The following POLR3B variants were observed in gnomAD, a reference collection of about 807,000 sequenced individuals.
POLR3B encodes RNA polymerase III subunit B.
In POLR3B, 96 loss-of-function variants were observed where a neutral mutation model predicts 147.4. The ratio of observed to expected loss-of-function variants is 0.65; its 90% CI spans 0.55 to 0.77. POLR3B has a LOEUF of 0.77. Among genes scored for constraint, POLR3B ranks in the 30% least tolerant of loss-of-function variants. POLR3B has a pLI of 0.00. For synonymous variants in POLR3B, 461 were observed against 485.9 expected (o/e 0.95, Z 0.67); for missense variants, 1,036 against 1,413.5 (o/e 0.73, Z 4.28).
intron 23 of POLR3B, among the ~76,000 whole-genome samples, chr12:106,487,181 G>C (rs894052885): frequency 6.6e-6 from 1 of 152,180 alleles, no homozygotes; most frequent in African/African-American, 2.4e-5. Context: ...ATTTGTAGTT[G>C]TCATGAAATG....
At chr12:106,445,689 C>T (rs763248295) in intron 19 of POLR3B, among the ~76,000 whole-genome samples, 22 of 151,990 alleles carry the variant, frequency 1.4e-4, no homozygotes, top group Non-Finnish European at 3.1e-4. Context: ...TTCATATATG[C>T]CCATGACACC....
Position 106,433,871 on chromosome 12 carries a change from A to G in POLR3B, c.1780A>G (p.Arg594Gly). The G allele has an allele frequency of 1.2e-6, 2 of 1,612,156 alleles. No individual in the cohort carries two copies. The highest frequency in any genetic ancestry group is 1.7e-6 in the Non-Finnish European group (2 of 1,178,398). The change falls in exon 16 of 28, where the codon AGA (arginine) becomes GGA (glycine). Residue 594 changes from arginine to glycine, a missense_variant and splice_region_variant. Physicochemically the swap from Arg to Gly is moderately radical, Grantham distance 125. Coordinates refer to ENST00000228347, the MANE Select transcript of POLR3B (RefSeq NM_018082.6). The stretch of plus-strand genomic sequence containing the variant: ...TTCTTCTGATGGGGGAAGGCTATGC[A>G]GGTATATATGCAGGTTACTAAAAAG... Reference protein sequence around the residue: ...YISSDGGRLCRPYIIVKKQKP... With the variant: ...YISSDGGRLCGPYIIVKKQKP...
At chr12:106,358,542 C>T (rs1439052335) in intron 1 of POLR3B, among the ~76,000 whole-genome samples, 5 of 152,176 alleles carry the variant, frequency 3.3e-5, no homozygotes, top group Admixed American at 1.3e-4. Context: ...CAGCGAGCTG[C>T]CCAGTGAAGT....
chr12:106,384,485 CAG>C (rs1205716218), intron 9 of POLR3B, among the ~76,000 whole-genome samples: 1 of 152,170 alleles, frequency 6.6e-6, no homozygotes, highest in African/African-American at 2.4e-5. Context: ...TGCACTGACA[CAG>C]AGTGGTAAAA....
At chr12:106,384,859 G>A (rs958421790) in intron 9 of POLR3B, among the ~76,000 whole-genome samples, 1 of 147,096 alleles carries the variant, frequency 6.8e-6, no homozygotes, top group Non-Finnish European at 1.5e-5. Flanking sequence ...ATGGCGTTTC[G>A]CTCTTTCACC....
intron 9 of POLR3B, among the ~76,000 whole-genome samples, chr12:106,389,940 C>A (rs948094133): frequency 2.6e-5 from 4 of 152,152 alleles, no homozygotes; most frequent in Non-Finnish European, 5.9e-5. Flanking sequence ...TGGCTTTGGC[C>A]AGGCGTGGTG....
intron 23 of POLR3B, among the ~76,000 whole-genome samples, chr12:106,476,960 C>T (rs1186423905): frequency 9.2e-5 from 14 of 151,390 alleles, no homozygotes; most frequent in African/African-American, 7.3e-5. Flanking sequence ...TGTAGAGTTT[C>T]CAGTTTTTCT....
intron 11 of POLR3B, 92 bp from the exon 12 acceptor site, chr12:106,410,734 A>T: frequency 9.9e-7 from 1 of 1,009,182 alleles, no homozygotes; most frequent in Non-Finnish European, 1.5e-6. Context: ...GTATTTTCTT[A>T]GTTGAATGTT....
chr12:106,486,090 C>T (rs975310389), intron 23 of POLR3B, among the ~76,000 whole-genome samples: 1 of 151,780 alleles, frequency 6.6e-6, no homozygotes, highest in Non-Finnish European at 1.5e-5. Flanking sequence ...GAGATCGAGA[C>T]CGTCCTGGCT....
intron 22 of POLR3B, among the ~76,000 whole-genome samples, chr12:106,462,296 G>A (rs2037949604): frequency 6.6e-6 from 1 of 152,130 alleles, no homozygotes; most frequent in East Asian, 1.9e-4. Context: ...TGCCCAGGCT[G>A]GAGTGCAGTG....
rs984215371 is a variant in POLR3B, at chr12:106,430,158, G to A, written c.1264-115G>A. ...ACTTTGATTTCTGAATATATGTCAT[G>A]GTTCTAATTTCGTAAGCATGAAGCT... On this transcript the variant is annotated intron_variant, in intron 13 of 27. Coordinates refer to ENST00000228347, the MANE Select transcript of POLR3B (RefSeq NM_018082.6). 32 of 797,086 alleles carry A rather than the reference G, an allele frequency of 4.0e-5. No individual in the cohort carries two copies. The African/African-American group carries it at 4.6e-4, about 11-fold the overall frequency. 49.4% of individuals were successfully genotyped at this position (797,086 alleles called of 1,614,324 possible). A position where few individuals can be genotyped will look rare whatever the true frequency, so the allele number is the denominator to read the frequency against.
At chr12:106,427,090 G>T (rs2037449633) in intron 12 of POLR3B, 107 bp from the exon 13 acceptor site, 2 of 757,038 alleles carry the variant, frequency 2.6e-6, no homozygotes, top group East Asian at 2.7e-5. Context: ...TCTGTTTTAA[G>T]CAGTTTCTCC....
chr12:106,358,243 C>G (rs1237612598), intron 1 of POLR3B: 1 of 1,367,640 alleles, frequency 7.3e-7, no homozygotes, highest in East Asian at 3.0e-5. Context: ...GGAGGACTGA[C>G]CCTCGCACTT....
intron 23 of POLR3B, among the ~76,000 whole-genome samples, chr12:106,468,849 C>A (rs556560746): frequency 6.6e-6 from 1 of 152,118 alleles, no homozygotes; most frequent in South Asian, 2.1e-4. Context: ...GCTGAGGAGT[C>A]TTTTACTTCC....
chr12:106,401,383 A>G (rs2037065011), intron 10 of POLR3B, among the ~76,000 whole-genome samples: 1 of 152,096 alleles, frequency 6.6e-6, no homozygotes, highest in African/African-American at 2.4e-5. Flanking sequence ...TACCAGAGGT[A>G]CAAGGAGGAG....
intron 15 of POLR3B, among the ~76,000 whole-genome samples, chr12:106,433,254 A>G (rs2037533401): frequency 1.3e-5 from 2 of 152,190 alleles, no homozygotes; most frequent in African/African-American, 4.8e-5. Context: ...GCCTCTTTGA[A>G]TCCTCCCGCT....
chr12:106,405,757 G>T (rs1240368461), intron 10 of POLR3B, 100 bp from the exon 11 acceptor site: 10 of 1,124,372 alleles, frequency 8.9e-6, no homozygotes, highest in Non-Finnish European at 1.3e-5. Flanking sequence ...CTATAACCAG[G>T]GTCTTTATCT....
chr12:106,468,567 C>T (rs952820977), intron 23 of POLR3B, among the ~76,000 whole-genome samples: 1 of 152,170 alleles, frequency 6.6e-6, no homozygotes, highest in Admixed American at 6.5e-5. Flanking sequence ...CCTGCTTTCT[C>T]TTGTGGGCAT....
chr12:106,472,373 T>C (rs938172547), intron 23 of POLR3B, among the ~76,000 whole-genome samples: 12 of 151,828 alleles, frequency 7.9e-5, no homozygotes, highest in Admixed American at 5.9e-4. Context: ...TTTGGTTATA[T>C]ACCCAGTAAT....
Sources: gnomAD v4.1 joint callset for allele counts (sites outside exome capture counted in the v4.1 genomes callset) on GRCh38, gnomAD v4.1.1 for gene constraint, MANE v1.5 for transcripts, NCBI Gene and HGNC (gene_info 2026-07-23, HGNC 2026-07-21) for gene names.